Variants in IFT88 observed in about 807,000 individuals in gnomAD.
IFT88 encodes the protein intraflagellar transport protein 88 homolog.
Under a neutral mutation model 119.5 loss-of-function variants are expected in IFT88, and 74 were observed. The observed-to-expected ratio is 0.62, with a 90% CI of 0.51 to 0.75. The LOEUF (loss-of-function observed/expected upper bound fraction) is 0.75. Among genes scored for constraint, IFT88 ranks in the 30% least tolerant of loss-of-function variants. The pLI, the probability that IFT88 is intolerant of heterozygous loss-of-function variation, is 0.00. For missense variants in IFT88, 961 were observed against 977.7 expected (o/e 0.98, Z 0.23); for synonymous variants, 279 against 316.7 (o/e 0.88, Z 1.26).
intron 11 of IFT88, among the ~76,000 whole-genome samples, chr13:20,600,951 A>G (rs1232838788): frequency 6.6e-6 from 1 of 152,272 alleles, no homozygotes; most frequent in African/African-American, 2.4e-5. Flanking sequence ...TGAAGTACTG[A>G]TACATGCTAC....
In IFT88 at chr13:20,638,512, A is replaced by G. The variant is rs780256949; in HGVS notation, c.1567A>G (p.Asn523Asp). The G allele has an allele frequency of 9.1e-6, 13 of 1,436,206 alleles. No homozygotes were observed. The highest frequency in any genetic ancestry group is 2.7e-6 in the Non-Finnish European group (3 of 1,091,780). 89.0% of individuals were successfully genotyped at this position (1,436,206 alleles called of 1,614,324 possible). The change falls in exon 17 of 26, where the codon AAT (asparagine) becomes GAT (aspartate). Residue 523 changes from asparagine (N) to aspartate (D), a missense_variant. By Grantham distance (23) the Asn-to-Asp change is conservative. Transcript: ENST00000351808. ...NDSSCTEALY[N>D]IGLTYEKLNR... ...TTCTTCTTGTACTGAAGCACTTTAT[A>G]ATATTGGTAAGTGAAACAAGGGGAA...
intron 7 of IFT88, among the ~76,000 whole-genome samples, chr13:20,595,755 T>G (rs1593967670): frequency 6.6e-6 from 1 of 152,102 alleles, no homozygotes; most frequent in African/African-American, 2.4e-5. Flanking sequence ...TGAAAGTAAA[T>G]TAGGCTGGGT....
chr13:20,687,109 G>T (rs2058023910), intron 24 of IFT88, among the ~76,000 whole-genome samples: 1 of 150,546 alleles, frequency 6.6e-6, no homozygotes, highest in African/African-American at 2.4e-5. Context: ...TTCTTAGTAT[G>T]CATTGCCTTG....
At chr13:20,575,400 C>T (rs559585842) in intron 2 of IFT88, among the ~76,000 whole-genome samples, 1 of 152,260 alleles carries the variant, frequency 6.6e-6, no homozygotes, top group Non-Finnish European at 1.5e-5. Flanking sequence ...ATTGTGAATA[C>T]TGCTGCAGCA....
chr13:20,610,795 G>A (rs75715944), intron 13 of IFT88, among the ~76,000 whole-genome samples: 2,493 of 152,068 alleles, frequency 0.016, 62 homozygotes, highest in African/African-American at 0.057. Context: ...GGACCAAATG[G>A]GATTTGTCCC....
At position 20,582,064 on chromosome 13, in the gene IFT88, G is replaced by A. The variant is rs571723226; in HGVS notation, c.91-893G>A. ...AATTGACAAGTGTGTATTTTTGTGG[G>A]AAGTAGATTGAAATAAATCAGAGGC... On this transcript the variant is annotated intron_variant, in intron 2 of 25. Transcript: ENST00000351808. Among the ~76,000 whole-genome samples the A allele has an allele frequency of 2.0e-5, 3 of 151,644 alleles. No individual in the cohort carries two copies. In the East Asian group the frequency reaches 5.8e-4, roughly 29 times the overall value.
chr13:20,611,697 T>C (rs1295535956), intron 13 of IFT88, among the ~76,000 whole-genome samples: 4 of 151,974 alleles, frequency 2.6e-5, no homozygotes, highest in Non-Finnish European at 4.4e-5. Context: ...CTCCGCCTCC[T>C]GGGTTCGAGC....
chr13:20,645,084 TTTTG>T (rs1378822662), intron 20 of IFT88, 126 bp downstream of exon 20: 8 of 522,016 alleles, frequency 1.5e-5, no homozygotes, highest in South Asian at 3.0e-5. Context: ...CATAAATTAT[TTTTG>T]TTTGTTTGTT....
At chr13:20,651,661 C>T (rs1263993150) in intron 20 of IFT88, among the ~76,000 whole-genome samples, 1 of 151,634 alleles carries the variant, frequency 6.6e-6, no homozygotes, top group Non-Finnish European at 1.5e-5. Context: ...CAGACCGCAT[C>T]TACATAATTC....
At chr13:20,627,221 T>A (rs2047482767) in intron 15 of IFT88, among the ~76,000 whole-genome samples, 1 of 152,202 alleles carries the variant, frequency 6.6e-6, no homozygotes. Context: ...ATCACATCCT[T>A]GGTCATGAAA....
chr13:20,595,570 A>C (rs1593965355), intron 7 of IFT88, among the ~76,000 whole-genome samples: 1 of 151,752 alleles, frequency 6.6e-6, no homozygotes, highest in African/African-American at 2.4e-5. Flanking sequence ...GATTACAGGC[A>C]GGAGCCACCA....
intron 1 of IFT88, among the ~76,000 whole-genome samples, chr13:20,572,656 A>G (rs1183875224): frequency 6.6e-6 from 1 of 152,218 alleles, no homozygotes. Flanking sequence ...CAAAGCAGAA[A>G]TCGCAGTGTA....
intron 2 of IFT88, 142 bp downstream of exon 2, chr13:20,574,617 C>T (rs1178999714): frequency 4.4e-6 from 2 of 457,566 alleles, no homozygotes; most frequent in Admixed American, 8.2e-5. Flanking sequence ...TTACAGAAGA[C>T]TCTACTGACT....
chr13:20,652,833 A>G (rs2052010152), intron 20 of IFT88, among the ~76,000 whole-genome samples: 1 of 152,202 alleles, frequency 6.6e-6, no homozygotes, highest in Non-Finnish European at 1.5e-5. Context: ...TGGCATTAGC[A>G]GAGAGTAAAG....
rs113493127 is a variant in IFT88, at chr13:20,599,444, A to G, written c.698-7A>G. On this transcript the variant is annotated splice_region_variant and splice_polypyrimidine_tract_variant and intron_variant, in intron 10 of 25. Transcript: ENST00000351808. ...TATTATACATTCATTAAATTTTTTTAAATTAGGAATATTGAAAATGAATAT... is the reference window on the plus strand; with the variant it reads ...TATTATACATTCATTAAATTTTTTTGAATTAGGAATATTGAAAATGAATAT... 2.4e-5 allele frequency: 25 copies of G among 1,047,444 alleles called. No homozygotes were observed. In the African/African-American group the frequency reaches 2.9e-4, roughly 12 times the overall value. The allele number at this position is 1,047,444 out of a possible 1,614,324, so 64.9% of individuals were successfully genotyped here. A position where few individuals can be genotyped will look rare whatever the true frequency, so the allele number is the denominator to read the frequency against.
chr13:20,574,335 TA>T lies in IFT88; in HGVS notation c.-6-44del. ...ACATATCTCAAAAAATATATATATA[TA>T]TTTCTTATACCAAGAACATATTTAC... On this transcript the variant is annotated intron_variant, in intron 1 of 25. Transcript: ENST00000351808. The T allele has an allele frequency of 2.8e-6, 3 of 1,057,518 alleles. No homozygotes were observed. The South Asian group carries it at 4.4e-5, about 16-fold the overall frequency. The allele number at this position is 1,057,518 out of a possible 1,614,324, so 65.5% of individuals were successfully genotyped here.
intron 16 of IFT88, among the ~76,000 whole-genome samples, chr13:20,637,781 C>T (rs2049244144): frequency 1.3e-5 from 2 of 152,172 alleles, no homozygotes; most frequent in South Asian, 4.1e-4. Context: ...AGTGAAGGAG[C>T]TTCTTGGAAA....
chr13:20,587,157 C>A (rs540290847), intron 3 of IFT88, among the ~76,000 whole-genome samples: 2 of 152,090 alleles, frequency 1.3e-5, no homozygotes, highest in African/African-American at 4.8e-5. Context: ...TATATATGTT[C>A]CACGATGGGT....
At chr13:20,607,307 T>A (rs2043657684) in intron 13 of IFT88, 7 of 460,020 alleles carry the variant, frequency 1.5e-5, no homozygotes, top group South Asian at 1.2e-4. Context: ...CTTCGGCAAG[T>A]ACTTCGCATC....
Sources: gnomAD v4.1 joint callset for allele counts (sites outside exome capture counted in the v4.1 genomes callset) on GRCh38, gnomAD v4.1.1 for gene constraint, MANE v1.5 for transcripts, NCBI Gene and HGNC (gene_info 2026-07-23, HGNC 2026-07-21) for gene names.